Variants in EBF2 observed in about 807,000 individuals in gnomAD.
EBF2 encodes EBF transcription factor 2.
A neutral mutation model predicts 72.8 loss-of-function variants in EBF2; 21 were observed. The ratio of observed to expected loss-of-function variants is 0.29; its 90% confidence interval spans 0.20 to 0.42. The LOEUF is 0.42. Ranked by LOEUF, EBF2 falls within the 10% of genes least tolerant of loss-of-function variation. The pLI is 1.00. For missense variants in EBF2, 637 were observed against 731.2 expected (o/e 0.87, Z 1.49); for synonymous variants, 299 against 274.2 (o/e 1.09, Z -0.89).
intron 6 of EBF2, among the ~76,000 whole-genome samples, chr8:25,920,221 T>G (rs919166393): frequency 1.3e-5 from 2 of 152,236 alleles, no homozygotes; most frequent in African/African-American, 4.8e-5. Flanking sequence ...GTATTATGCT[T>G]TTCTTTCAGA....
chr8:26,030,120 C>T (rs1358618371), intron 6 of EBF2, among the ~76,000 whole-genome samples: 1 of 152,040 alleles, frequency 6.6e-6, no homozygotes, highest in African/African-American at 2.4e-5. Context: ...CTATGGTGCT[C>T]AGGTTGCTTC....
At chr8:25,925,575 A>G (rs1191421438) in intron 6 of EBF2, among the ~76,000 whole-genome samples, 1 of 152,166 alleles carries the variant, frequency 6.6e-6, no homozygotes, top group Admixed American at 6.5e-5. Flanking sequence ...ATCGTCATGA[A>G]TGCACTTCGG....
At chr8:25,875,296 G>C (rs1440897463) in intron 10 of EBF2, among the ~76,000 whole-genome samples, 3 of 152,090 alleles carry the variant, frequency 2.0e-5, no homozygotes, top group Admixed American at 2.0e-4. Flanking sequence ...AAATACCTTT[G>C]CATATGTATG....
intron 7 of EBF2, among the ~76,000 whole-genome samples, chr8:25,905,600 A>G (rs1009354164): frequency 6.6e-6 from 1 of 152,234 alleles, no homozygotes; most frequent in African/African-American, 2.4e-5. Flanking sequence ...CACATATTGT[A>G]TGATTCTATT....
chr8:26,044,620 T>C lies in EBF2; in HGVS notation c.131+109A>G, dbSNP rs1199544148. 8 of 1,460,838 alleles carry C rather than the reference T, an allele frequency of 5.5e-6. No individual in the cohort carries two copies. The East Asian group carries it at 1.8e-4, about 34-fold the overall frequency. 90.5% of individuals were successfully genotyped at this position (1,460,838 alleles called of 1,614,324 possible). A position where few individuals can be genotyped will look rare whatever the true frequency, so the allele number is the denominator to read the frequency against. On this transcript the variant is annotated intron_variant, in intron 1 of 15. Coordinates refer to ENST00000520164, the MANE Select transcript of EBF2 (RefSeq NM_022659.4). The surrounding 1 kb of genome is among the most constrained non-coding windows in gnomAD (Gnocchi z 4.1). ...CAGCGCGCAGGGCCTGGGCGACAGATGGGGGGACAGGGAGAGAGAAAGGCA... is the reference window on the plus strand; with the variant it reads ...CAGCGCGCAGGGCCTGGGCGACAGACGGGGGGACAGGGAGAGAGAAAGGCA...
At chr8:25,870,006 C>G (rs996076581) in intron 10 of EBF2, among the ~76,000 whole-genome samples, 4 of 152,078 alleles carry the variant, frequency 2.6e-5, no homozygotes, top group African/African-American at 7.2e-5. Flanking sequence ...CTTCCATCCC[C>G]CTCTGGGCAT....
intron 1 of EBF2, among the ~76,000 whole-genome samples, chr8:26,042,789 G>A (rs553468995): frequency 1.0e-3 from 156 of 152,330 alleles, no homozygotes; most frequent in Non-Finnish European, 2.0e-3. Context: ...TGCTGACTGG[G>A]AAAGGTAGTG....
chr8:25,940,621 TAA>T (rs33914806), intron 6 of EBF2, among the ~76,000 whole-genome samples: 13 of 147,370 alleles, frequency 8.8e-5, no homozygotes, highest in Admixed American at 1.3e-4. Flanking sequence ...ATGAAAAAAT[TAA>T]AAAAAAAAAT....
chr8:25,873,520 CA>C (rs1175572739), intron 10 of EBF2, among the ~76,000 whole-genome samples: 1 of 152,098 alleles, frequency 6.6e-6, no homozygotes, highest in African/African-American at 2.4e-5. Context: ...CAAAAAGGAA[CA>C]AAGATAATAT....
At chr8:25,896,143 G>A (rs1440455108) in intron 7 of EBF2, among the ~76,000 whole-genome samples, 1 of 152,170 alleles carries the variant, frequency 6.6e-6, no homozygotes, top group African/African-American at 2.4e-5. Context: ...AAAAATGTGT[G>A]GAATCACCAA....
chr8:25,870,538 C>G (rs1459629132), intron 10 of EBF2, among the ~76,000 whole-genome samples: 1 of 152,108 alleles, frequency 6.6e-6, no homozygotes, highest in African/African-American at 2.4e-5. Context: ...TCCTGCTGCT[C>G]AGAGAGGAAT....
chr8:25,910,509 C>T (rs1397349841), intron 6 of EBF2, among the ~76,000 whole-genome samples: 1 of 152,158 alleles, frequency 6.6e-6, no homozygotes, highest in Non-Finnish European at 1.5e-5. Context: ...ACCCCCACTC[C>T]CCGCTCCAAA....
chr8:25,994,464 C>G (rs151236683), intron 6 of EBF2, among the ~76,000 whole-genome samples: 157 of 152,258 alleles, frequency 1.0e-3, no homozygotes, highest in East Asian at 4.1e-3. Context: ...ACATTCTATT[C>G]TACTGTAAAG....
At chr8:25,912,466 G>GCACACA (rs141335310) in intron 6 of EBF2, among the ~76,000 whole-genome samples, 19,226 of 136,712 alleles carry the variant, frequency 0.14, 1,642 homozygotes, top group East Asian at 0.28. Context: ...TCTAAAAATG[G>GCACACA]CACACACACA....
intron 6 of EBF2, among the ~76,000 whole-genome samples, chr8:25,971,316 A>G (rs1804185665): frequency 6.6e-6 from 1 of 152,064 alleles, no homozygotes; most frequent in Admixed American, 6.6e-5. Context: ...TGTCACCAAA[A>G]TAAAGTTCAG....
Position 25,886,829 on chromosome 8 carries a change from C to T in EBF2, c.935G>A (p.Gly312Asp). The T allele has an allele frequency of 6.2e-7, 1 of 1,613,472 alleles. No homozygotes were observed. The change falls in exon 10 of 16, where the codon GGC becomes GAC. Residue 312 changes from glycine (G) to aspartate (D), a missense_variant. Gly to Asp is a moderately conservative substitution (Grantham distance 94, BLOSUM62 -1). Coordinates refer to ENST00000520164, the MANE Select transcript of EBF2 (RefSeq NM_022659.4). ...RVQTPPRHIP[G>D]VVEVTLSYKS... ...ATAAGATAATGTCACCTCTACCACG[C>T]CTGGGATGTGCCGGGGAGGAGTCTG...
chr8:26,029,055 T>C (rs1805350124), intron 6 of EBF2, among the ~76,000 whole-genome samples: 1 of 152,084 alleles, frequency 6.6e-6, no homozygotes, highest in Admixed American at 6.5e-5. Flanking sequence ...AGTAATTTAG[T>C]ATTGGGGGAA....
chr8:25,866,851 C>T (rs551830622), intron 10 of EBF2, among the ~76,000 whole-genome samples: 11 of 151,592 alleles, frequency 7.3e-5, no homozygotes, highest in East Asian at 1.9e-4. Context: ...ACGCTGGTCA[C>T]GAACTCCTGA....
intron 6 of EBF2, among the ~76,000 whole-genome samples, chr8:26,018,596 G>A (rs948616271): frequency 7.9e-5 from 12 of 151,910 alleles, no homozygotes; most frequent in East Asian, 7.7e-4. Context: ...GCATGAACCC[G>A]GGAGGCGGAG....
Sources: allele counts gnomAD v4.1 joint callset (sites outside exome capture counted in the v4.1 genomes callset), GRCh38; gene constraint gnomAD v4.1.1; non-coding constraint Gnocchi (gnomAD v3.1); transcripts MANE v1.5; gene names NCBI Gene and HGNC (gene_info 2026-07-23, HGNC 2026-07-21).